Variants in MYLIP observed in about 807,000 individuals in gnomAD.
The protein encoded by MYLIP is E3 ubiquitin-protein ligase MYLIP.
MYLIP carries 26 observed loss-of-function variants against 45.8 expected under a neutral mutation model. That is an observed-to-expected ratio of 0.57 (90% confidence interval 0.42 to 0.79). The LOEUF is 0.79. MYLIP is among the 30% of genes least tolerant of loss of function. The pLI is 0.00. For missense variants in MYLIP, 494 were observed against 555.6 expected, an observed-to-expected ratio of 0.89 and a Z score of 1.11; for synonymous variants, 213 against 218.1, an observed-to-expected ratio of 0.98 and a Z score of 0.21.
chr6:16,135,974 T>C (rs1355114751), intron 2 of MYLIP, among the ~76,000 whole-genome samples: 1 of 151,766 alleles, frequency 6.6e-6, no homozygotes, highest in Non-Finnish European at 1.5e-5. Context: ...CATCAATCTG[T>C]CTTATTTTTA....
intron 2 of MYLIP, among the ~76,000 whole-genome samples, chr6:16,131,550 A>G (rs1759460391): frequency 6.6e-6 from 1 of 152,234 alleles, no homozygotes; most frequent in Non-Finnish European, 1.5e-5. Flanking sequence ...GGAGACTTCA[A>G]TCTTACAGTG....
intron 2 of MYLIP, among the ~76,000 whole-genome samples, chr6:16,139,477 G>A (rs543018332): frequency 8.5e-5 from 13 of 152,168 alleles, no homozygotes; most frequent in African/African-American, 2.2e-4. Context: ...CTTTCAGAGC[G>A]TAATTTCTTC....
At chr6:16,157,689 A>C in the MYLIP span, among the ~76,000 whole-genome samples, 197 of 152,354 alleles carry the variant, frequency 1.3e-3, 1 homozygote, top group Admixed American at 5.0e-3. Flanking sequence ...GGCTATGTAC[A>C]TCTCCTCTGC....
chr6:16,136,363 T>G (rs1759556691), intron 2 of MYLIP, among the ~76,000 whole-genome samples: 2 of 152,182 alleles, frequency 1.3e-5, no homozygotes, highest in Admixed American at 1.3e-4. Context: ...TGGCTTCTTT[T>G]GTTCATCACA....
the MYLIP span, among the ~76,000 whole-genome samples, chr6:16,155,975 T>C: frequency 6.6e-6 from 1 of 152,162 alleles, no homozygotes; most frequent in African/African-American, 2.4e-5. Context: ...CACGAACAAA[T>C]TGAAGAGTGG....
chr6:16,157,773 G>T, the MYLIP span, among the ~76,000 whole-genome samples: 1 of 152,260 alleles, frequency 6.6e-6, no homozygotes, highest in African/African-American at 2.4e-5. Flanking sequence ...TGTGATGGGG[G>T]CTGAGACTCG....
At position 16,141,755 on chromosome 6, in the gene MYLIP, A is replaced by G. The variant is rs762827020; in HGVS notation, c.409A>G (p.Lys137Glu). Residue 137 changes from lysine to glutamate, a missense_variant, in exon 3 of 7, where the codon AAG (lysine) becomes GAG (glutamate). Physicochemically the swap from Lys to Glu is moderately conservative, Grantham distance 56 (BLOSUM62 1). Transcript: ENST00000356840. ...TGGAGACTACAACCAGAACACTGCC[A>G]AGTATAACTATGAGGAGCTCTGTGC... ...KFGDYNQNTA[K>E]YNYEELCAKE... is the part of the protein sequence containing the mutation. The G allele has an allele frequency of 6.8e-6, 11 of 1,613,968 alleles. No homozygotes were observed. The South Asian group carries it at 1.1e-4, about 16-fold the overall frequency.
chr6:16,152,958 A>G (rs1361709254), downstream of MYLIP, among the ~76,000 whole-genome samples: 1 of 152,102 alleles, frequency 6.6e-6, no homozygotes, highest in African/African-American at 2.4e-5. Flanking sequence ...TTGGGGAGTT[A>G]GGTTGGAATC....
At chr6:16,148,729 A>C (rs1688908074), downstream of MYLIP, among the ~76,000 whole-genome samples, 1 of 152,186 alleles carries the variant, frequency 6.6e-6, no homozygotes, top group South Asian at 2.1e-4. Context: ...GGGTCATAGC[A>C]GTAAGGGCCT....
In MYLIP at chr6:16,129,394, G is replaced by A. The variant is rs1237380695; in HGVS notation, c.72G>A (p.Glu24=). Residue 24 remains glutamate, a synonymous_variant, in exon 1 of 7, where the codon GAG becomes GAA. Coordinates refer to ENST00000356840, the MANE Select transcript of MYLIP (RefSeq NM_013262.4). The surrounding 1 kb of genome is among the most constrained non-coding windows in gnomAD (Gnocchi z 5.1). ...AGGTGGAGGCGAAAGCCAACGGCGA[G>A]GACTGCCTCAACCAGGTGAGGGCGA... The part of the protein sequence containing the change: ...EVEVEAKANG[E]DCLNQVCRRL... 2 of 1,590,322 alleles carry A rather than the reference G, an allele frequency of 1.3e-6. No individual in the cohort carries two copies. Among genetic ancestry groups the A allele is most frequent in the Admixed American group, 1.8e-5 (1 of 56,688 alleles).
intron 4 of MYLIP, 82 bp from the exon 5 acceptor site, chr6:16,143,617 A>G: frequency 6.8e-7 from 1 of 1,470,114 alleles, no homozygotes; most frequent in African/African-American, 1.4e-5. Context: ...GGTCATGAGC[A>G]AATGGGGATC....
In MYLIP at chr6:16,136,258, C is replaced by T. The variant is rs184429913; in HGVS notation, c.279-5367C>T. 2.8e-3 allele frequency among the ~76,000 whole-genome samples: 424 copies of T among 151,170 alleles called. 1 individual carries two copies. Among genetic ancestry groups the T allele is most frequent in the African/African-American group, 1.0e-2 (410 of 41,118 alleles). On this transcript the variant is annotated intron_variant, in intron 2 of 6. Coordinates refer to ENST00000356840, the MANE Select transcript of MYLIP (RefSeq NM_013262.4). ...TTCTTTCCCACCCCCACCCACCGCACACCACACCTCTGTCATGTGTTCTTC... is the reference window on the plus strand; with the variant it reads ...TTCTTTCCCACCCCCACCCACCGCATACCACACCTCTGTCATGTGTTCTTC...
At position 16,146,863 on chromosome 6, in the gene MYLIP, A is replaced by G; in HGVS notation, c.*112A>G. ...TATTCCAACACCCATCTGCCATGCG[A>G]TGTTAAAAAAAAAAAAAAGGAAGAA... On this transcript the variant is annotated 3_prime_UTR_variant, in exon 7 of 7. Coordinates refer to ENST00000356840, the MANE Select transcript of MYLIP (RefSeq NM_013262.4). The G allele has an allele frequency of 4.1e-6, 3 of 724,204 alleles. No homozygotes were observed. Among genetic ancestry groups the G allele is most frequent in the Non-Finnish European group, 6.2e-6 (3 of 483,548 alleles). 44.9% of individuals were successfully genotyped at this position (724,204 alleles called of 1,614,324 possible). A position where few individuals can be genotyped will look rare whatever the true frequency, so the allele number is the denominator to read the frequency against.
At chr6:16,158,932 A>C in the MYLIP span, among the ~76,000 whole-genome samples, 1 of 152,230 alleles carries the variant, frequency 6.6e-6, no homozygotes, top group Non-Finnish European at 1.5e-5. Flanking sequence ...TTTGAAGATT[A>C]AATGAGATAA....
chr6:16,163,265 T>C, the MYLIP span: 1 of 152,200 alleles, frequency 6.6e-6, no homozygotes, highest in Admixed American at 6.5e-5. Flanking sequence ...ACTGGTCTCG[T>C]GCTGCTGGAA....
At position 16,146,864 on chromosome 6, in the gene MYLIP, T is replaced by C. The variant is rs1759802703; in HGVS notation, c.*113T>C. 3 of 840,644 alleles carry C rather than the reference T, an allele frequency of 3.6e-6. No homozygotes were observed. The highest frequency in any genetic ancestry group is 3.0e-5 in the Admixed American group (1 of 33,174). 52.1% of individuals were successfully genotyped at this position (840,644 alleles called of 1,614,324 possible). On this transcript the variant is annotated 3_prime_UTR_variant, in exon 7 of 7. Transcript: ENST00000356840. Reference sequence around the variant, plus strand: ...ATTCCAACACCCATCTGCCATGCGATGTTAAAAAAAAAAAAAAGGAAGAAA... The same window carrying C: ...ATTCCAACACCCATCTGCCATGCGACGTTAAAAAAAAAAAAAAGGAAGAAA...
At chr6:16,152,382 G>C (rs1363507678), downstream of MYLIP, among the ~76,000 whole-genome samples, 1 of 152,092 alleles carries the variant, frequency 6.6e-6, no homozygotes, top group African/African-American at 2.4e-5. Context: ...CTGGTTCAGG[G>C]GCAATATTGG....
intron 2 of MYLIP, among the ~76,000 whole-genome samples, chr6:16,135,833 A>G (rs1249762064): frequency 6.8e-6 from 1 of 147,188 alleles, no homozygotes; most frequent in African/African-American, 2.5e-5. Flanking sequence ...TATATAGTGT[A>G]CATGTACACT....
At chr6:16,153,502 T>A in the MYLIP span, among the ~76,000 whole-genome samples, 4 of 152,224 alleles carry the variant, frequency 2.6e-5, no homozygotes, top group East Asian at 7.7e-4. Context: ...GATAGGCTTC[T>A]TAATAAAGAG....
Sources: allele counts gnomAD v4.1 joint callset (sites outside exome capture counted in the v4.1 genomes callset), GRCh38; gene constraint gnomAD v4.1.1; non-coding constraint Gnocchi (gnomAD v3.1); transcripts MANE v1.5; gene names NCBI Gene and HGNC (gene_info 2026-07-23, HGNC 2026-07-21).